HACE1: variants seen among roughly 807,000 people sequenced by gnomAD.
HACE1 encodes E3 ubiquitin-protein ligase HACE1.
A neutral mutation model predicts 118.4 loss-of-function variants in HACE1; 73 were observed. The observed-to-expected ratio is 0.62, with a 90% CI of 0.51 to 0.75. The LOEUF is 0.75. Among genes scored for constraint, HACE1 ranks in the 30% least tolerant of loss-of-function variants. The pLI, the probability that HACE1 is intolerant of heterozygous loss-of-function variation, is 0.00. For missense variants in HACE1, 749 were observed against 1,102.2 expected, an observed-to-expected ratio of 0.68 and a Z score of 4.54; for synonymous variants, 368 against 374.8, an observed-to-expected ratio of 0.98 and a Z score of 0.21.
chr6:104,824,387 G>A (rs1157062040), intron 6 of HACE1, among the ~76,000 whole-genome samples: 1 of 152,122 alleles, frequency 6.6e-6, no homozygotes, highest in Non-Finnish European at 1.5e-5. Context: ...ATTTAACAAC[G>A]GAGTTTCAAG....
intron 6 of HACE1, among the ~76,000 whole-genome samples, chr6:104,820,490 T>C (rs1772600563): frequency 1.3e-5 from 2 of 151,828 alleles, no homozygotes; most frequent in Non-Finnish European, 2.9e-5. Flanking sequence ...TAAACAAATT[T>C]ACAAAAAAAC....
chr6:104,791,380 A>G (rs1783003485), intron 11 of HACE1, 124 bp downstream of exon 11: 4 of 815,604 alleles, frequency 4.9e-6, no homozygotes, highest in Non-Finnish European at 4.3e-6. Context: ...CTAATTTTGA[A>G]AGTGATATGG....
intron 5 of HACE1, among the ~76,000 whole-genome samples, chr6:104,837,448 G>A (rs1453252974): frequency 6.6e-6 from 1 of 152,178 alleles, no homozygotes; most frequent in African/African-American, 2.4e-5. Context: ...AGAAAAAAAA[G>A]AGTAAACCTT....
chr6:104,754,528 G>GCCA (rs2114594321), intron 19 of HACE1, among the ~76,000 whole-genome samples: 1 of 152,286 alleles, frequency 6.6e-6, no homozygotes, highest in Admixed American at 6.5e-5. Flanking sequence ...GTTAAGGGCA[G>GCCA]CCAGAGATAA....
chr6:104,842,187 T>C (rs1171574136), intron 5 of HACE1, among the ~76,000 whole-genome samples: 1 of 152,112 alleles, frequency 6.6e-6, no homozygotes, highest in Non-Finnish European at 1.5e-5. Context: ...GACACACCTA[T>C]AGTCCCAGCT....
chr6:104,796,702 G>T lies in HACE1; in HGVS notation c.769C>A (p.Gln257Lys). ...VLIQYHPRLF[Q>K]TIIQMTQNED... ...TTCTGTGTCATTTGAATAATAGTCT[G>T]AAAAAGCCTCGGGTGATATTGAATT... The change falls in exon 9 of 24, where the codon CAG becomes AAG. Residue 257 changes from glutamine (Q) to lysine (K), a missense_variant. Transcript: ENST00000262903. The T allele has an allele frequency of 6.3e-7, 1 of 1,594,602 alleles. No homozygotes were observed. The highest frequency in any genetic ancestry group is 8.6e-7 in the Non-Finnish European group (1 of 1,163,368).
chr6:104,779,256 T>C (rs1402141838), intron 14 of HACE1, among the ~76,000 whole-genome samples: 1 of 152,138 alleles, frequency 6.6e-6, no homozygotes, highest in Non-Finnish European at 1.5e-5. Context: ...ATGAATACCA[T>C]CCAACACCAC....
intron 22 of HACE1, among the ~76,000 whole-genome samples, chr6:104,738,442 A>G (rs1776197885): frequency 6.7e-6 from 1 of 148,316 alleles, no homozygotes; most frequent in East Asian, 2.0e-4. Flanking sequence ...AGAATGTATA[A>G]CTAGAATAAC....
intron 1 of HACE1, 112 bp downstream of exon 1, chr6:104,859,455 C>A (rs2114436929): frequency 1.2e-6 from 1 of 817,564 alleles, no homozygotes; most frequent in Non-Finnish European, 1.8e-6. Context: ...TAAAAGTGGG[C>A]GTTTTCTCAG....
chr6:104,859,503 G>A (rs9499993), intron 1 of HACE1, 64 bp downstream of exon 1: 244,536 of 1,191,568 alleles, frequency 0.21, 26,309 homozygotes, highest in African/African-American at 0.34. Flanking sequence ...TGACGCGGCC[G>A]GAGCTCCTGC....
At position 104,795,603 on chromosome 6, in the gene HACE1, G is replaced by A. The variant is rs1399888207; in HGVS notation, c.899C>T (p.Thr300Ile). ...CCTAAGCAGTTTATGACCATTTGTT[G>A]TAGCAACTTCAGCAAGGCTTGTTAG... The part of the protein sequence containing the change: ...KILTSLAEVA[T>I]TNGHKLLSLS... Residue 300 changes from threonine to isoleucine, a missense_variant, in exon 10 of 24, where the codon ACA (threonine) becomes ATA (isoleucine). Thr to Ile is a moderately conservative substitution (Grantham distance 89). This residue lies in a region of HACE1 where 267 missense variants were observed against 312.2 expected (regional missense o/e 0.86). Transcript: ENST00000262903. 1 of 1,607,686 alleles carries A rather than the reference G, an allele frequency of 6.2e-7. No homozygotes were observed. Among genetic ancestry groups the A allele is most frequent in the Admixed American group, 1.7e-5 (1 of 60,016 alleles).
chr6:104,821,191 G>A (rs1772676389), intron 6 of HACE1, among the ~76,000 whole-genome samples: 2 of 152,156 alleles, frequency 1.3e-5, no homozygotes, highest in East Asian at 1.9e-4. Context: ...TTTCAAAGGG[G>A]TGGAGGATGG....
At chr6:104,856,038 G>T (rs1481201818) in intron 1 of HACE1, among the ~76,000 whole-genome samples, 1 of 152,200 alleles carries the variant, frequency 6.6e-6, no homozygotes, top group African/African-American at 2.4e-5. Flanking sequence ...GGTGCTAGAA[G>T]AAGACTATCC....
chr6:104,846,560 CA>C (rs1775689784), intron 4 of HACE1, among the ~76,000 whole-genome samples: 1 of 152,114 alleles, frequency 6.6e-6, no homozygotes, highest in Admixed American at 6.6e-5. Context: ...GAAAGGAGGA[CA>C]ATCCAATACA....
rs1779191604 is a variant in HACE1, at chr6:104,760,242, C to CA, written c.2212-9771dup. On this transcript the variant is annotated intron_variant, in intron 19 of 23. Transcript: ENST00000262903. The stretch of plus-strand genomic sequence containing the variant: ...ATACCAAAGCCTGGCAGAGACACAA[C>CA]AAAAAAAGAGAATTTTAGACCAATA... Among the ~76,000 whole-genome samples, 3 of 151,902 alleles carry CA rather than the reference C, an allele frequency of 2.0e-5. No homozygotes were observed. In the South Asian group the frequency reaches 6.2e-4, roughly 32 times the overall value.
In HACE1 at chr6:104,795,683, T is replaced by G. The variant is rs1769542869; in HGVS notation, c.819A>C (p.Leu273Phe). Residue 273 changes from leucine to phenylalanine, a missense_variant and splice_region_variant, in exon 10 of 24, where the codon TTA becomes TTC. Coordinates refer to ENST00000262903, the MANE Select transcript of HACE1 (RefSeq NM_020771.4). ...GAGACAAATGCTCCAGAACTTGCCG[T>G]AACTAAATTTTTTACAAATAAAAAA... is the stretch of plus-strand genomic sequence containing the variant. ...TQNEDLRENM[L>F]RQVLEHLSQQ... is the part of the protein sequence containing the mutation. 1.3e-6 allele frequency: 2 copies of G among 1,594,032 alleles called. No homozygotes were observed. The highest frequency in any genetic ancestry group is 1.7e-6 in the Non-Finnish European group (2 of 1,162,024).
rs186339871 is a variant in HACE1, at chr6:104,843,376, G to C, written c.327-78C>G. On this transcript the variant is annotated intron_variant, in intron 4 of 23. Coordinates refer to ENST00000262903, the MANE Select transcript of HACE1 (RefSeq NM_020771.4). ...TGACAATTAATTTACTGAAATATTA[G>C]CAACAATCAATAACAGCTGATGACA... is the stretch of plus-strand genomic sequence containing the variant. The C allele has an allele frequency of 8.8e-5, 68 of 774,734 alleles. No individual in the cohort carries two copies. The African/African-American group carries it at 9.3e-4, about 11-fold the overall frequency. The allele number at this position is 774,734 out of a possible 1,614,324, so 48.0% of individuals were successfully genotyped here.
In HACE1 at chr6:104,840,553, T is replaced by A. The variant is rs146338061; in HGVS notation, c.402+2670A>T. 2.1e-3 allele frequency among the ~76,000 whole-genome samples: 320 copies of A among 152,112 alleles called. 1 individual carries two copies. Among genetic ancestry groups the A allele is most frequent in the African/African-American group, 7.3e-3 (303 of 41,480 alleles). On this transcript the variant is annotated intron_variant, in intron 5 of 23. Coordinates refer to ENST00000262903, the MANE Select transcript of HACE1 (RefSeq NM_020771.4). ...CATTAAAATAGCTGAGAGAGGCCCG[T>A]CGCGGTGGCTCACACCTGTAATCCG... is the stretch of plus-strand genomic sequence containing the variant.
At chr6:104,779,073 G>A (rs571558998) in intron 14 of HACE1, among the ~76,000 whole-genome samples, 1 of 152,252 alleles carries the variant, frequency 6.6e-6, no homozygotes, top group Admixed American at 6.5e-5. Context: ...GACAGGATAA[G>A]GTTCAAGAGA....
Sources: allele counts gnomAD v4.1 joint callset (sites outside exome capture counted in the v4.1 genomes callset), GRCh38; gene constraint gnomAD v4.1.1; regional missense constraint gnomAD v4.1.1; transcripts MANE v1.5; gene names NCBI Gene and HGNC (gene_info 2026-07-23, HGNC 2026-07-21).